DAPK1: variants seen among roughly 807,000 people sequenced by gnomAD.
DAPK1 encodes the protein death associated protein kinase 1.
In DAPK1, 56 loss-of-function variants were observed where a neutral mutation model predicts 144.9. The ratio of observed to expected loss-of-function variants is 0.39; its 90% CI spans 0.31 to 0.48. The LOEUF (loss-of-function observed/expected upper bound fraction) is 0.48. Among genes scored for constraint, DAPK1 ranks in the 20% least tolerant of loss-of-function variants. The pLI, the probability that DAPK1 is intolerant of heterozygous loss-of-function variation, is 0.95. For missense variants in DAPK1, 1,454 were observed against 1,875.4 expected (o/e 0.78, Z 4.15); for synonymous variants, 690 against 749.0 (o/e 0.92, Z 1.29).
intron 19 of DAPK1, among the ~76,000 whole-genome samples, chr9:87,681,003 G>A (rs1453850283): frequency 1.3e-5 from 2 of 152,322 alleles, no homozygotes; most frequent in East Asian, 3.9e-4. Context: ...ATACCGCCAG[G>A]CACGGTGGCT....
intron 2 of DAPK1, among the ~76,000 whole-genome samples, chr9:87,565,184 C>T (rs1183441678): frequency 6.6e-6 from 1 of 152,156 alleles, no homozygotes; most frequent in Non-Finnish European, 1.5e-5. Context: ...GGATATGTTG[C>T]AGAGGTCCTG....
At chr9:87,497,358 G>A (rs1335455565), upstream of DAPK1, 4 of 152,084 alleles carry the variant, frequency 2.6e-5, no homozygotes, top group Admixed American at 2.6e-4. Context: ...GGTAAACGTA[G>A]GACTGATCCT....
chr9:87,570,124 A>G (rs559127049), intron 2 of DAPK1, among the ~76,000 whole-genome samples: 1 of 152,306 alleles, frequency 6.6e-6, no homozygotes, highest in South Asian at 2.1e-4. Flanking sequence ...TCACTTTGAT[A>G]AGAGAAAAAT....
intron 2 of DAPK1, among the ~76,000 whole-genome samples, chr9:87,514,918 TTC>T (rs1487075181): frequency 1.3e-5 from 2 of 152,222 alleles, no homozygotes; most frequent in African/African-American, 4.8e-5. Context: ...AGTTGCTGGT[TTC>T]TCTGTTTTCT....
At chr9:87,643,546 A>T in intron 11 of DAPK1, 78 bp downstream of exon 11, 1 of 951,322 alleles carries the variant, frequency 1.1e-6, no homozygotes. Context: ...TATTTGTTCA[A>T]CCTCCCAGGA....
At chr9:87,518,121 T>TTG (rs1825146181) in intron 2 of DAPK1, among the ~76,000 whole-genome samples, 1 of 138,310 alleles carries the variant, frequency 7.2e-6, no homozygotes, top group African/African-American at 2.8e-5. Context: ...TTTTTTTTTT[T>TTG]TTTTTTCTGA....
chr9:87,668,329 T>C, intron 18 of DAPK1: 1 of 453,378 alleles, frequency 2.2e-6, no homozygotes, highest in Non-Finnish European at 4.0e-6. Context: ...GAGTTGTGAT[T>C]AAACCTGTGG....
intron 4 of DAPK1, 108 bp from the exon 5 acceptor site, chr9:87,639,246 C>A: frequency 3.8e-6 from 4 of 1,054,696 alleles, no homozygotes; most frequent in African/African-American, 1.6e-5. Flanking sequence ...ACCCTTTCTT[C>A]CCTACTTTTT....
intron 2 of DAPK1, among the ~76,000 whole-genome samples, chr9:87,602,920 G>GTT (rs1262914633): frequency 2.1e-5 from 3 of 141,606 alleles, no homozygotes; most frequent in South Asian, 2.2e-4. Flanking sequence ...CTGTCTCTCT[G>GTT]TTTCTCTCTC....
chr9:87,604,332 C>T (rs1213151265), intron 2 of DAPK1, among the ~76,000 whole-genome samples: 3 of 152,102 alleles, frequency 2.0e-5, no homozygotes, highest in East Asian at 1.9e-4. Context: ...GGGGTGGAAT[C>T]GGCTTCCCCA....
intron 2 of DAPK1, among the ~76,000 whole-genome samples, chr9:87,519,385 G>A (rs1004554755): frequency 1.3e-5 from 2 of 152,178 alleles, no homozygotes; most frequent in East Asian, 1.9e-4. Context: ...GTCCCCCTTC[G>A]CTGCAACCCA....
chr9:87,651,492 G>A (rs1451981988), intron 16 of DAPK1, 35 bp from the exon 17 acceptor site: 1 of 1,609,350 alleles, frequency 6.2e-7, no homozygotes, highest in South Asian at 1.1e-5. Flanking sequence ...ATGCCCAAGT[G>A]AAAAGCTCTC....
At chr9:87,520,265 C>T (rs1825245614) in intron 2 of DAPK1, among the ~76,000 whole-genome samples, 2 of 152,106 alleles carry the variant, frequency 1.3e-5, no homozygotes, top group Non-Finnish European at 2.9e-5. Flanking sequence ...AAATAGGCTT[C>T]TGGTGCTGAG....
intron 2 of DAPK1, among the ~76,000 whole-genome samples, chr9:87,585,198 C>T (rs1827906528): frequency 6.6e-6 from 1 of 152,018 alleles, no homozygotes; most frequent in Admixed American, 6.6e-5. Context: ...GATGTAATTC[C>T]ATTTGTCTAT....
intron 9 of DAPK1, among the ~76,000 whole-genome samples, 182 bp downstream of exon 9, chr9:87,641,029 T>A (rs755232738): frequency 6.6e-6 from 1 of 151,918 alleles, no homozygotes; most frequent in Admixed American, 6.6e-5. Flanking sequence ...ATCCCAGAGG[T>A]GGGGAGAGAG....
chr9:87,575,569 C>T (rs748620267), intron 2 of DAPK1, among the ~76,000 whole-genome samples: 8 of 152,088 alleles, frequency 5.3e-5, no homozygotes, highest in Non-Finnish European at 7.4e-5. Flanking sequence ...CACTGTACCT[C>T]CATGGAGGTT....
At chr9:87,571,476 A>AACACACACAC (rs56299528) in intron 2 of DAPK1, among the ~76,000 whole-genome samples, 607 of 48,530 alleles carry the variant, frequency 0.013, 89 homozygotes, top group African/African-American at 0.02. Flanking sequence ...CACACACACC[A>AACACACACAC]ACACACACAC....
Position 87,686,554 on chromosome 9 carries a change from C to T in DAPK1, c.2228C>T (p.Ser743Leu). The change falls in exon 21 of 26, where the codon TCA becomes TTA. Residue 743 changes from serine (S) to leucine (L), a missense_variant. Transcript: ENST00000408954. This position sits in a 1 kb window ranked among gnomAD's most constrained non-coding sequence, Gnocchi z 4.2. ...PSPLASKPTV[S>L]VSINNLYPGC... Reference sequence around the variant, plus strand: ...TGTGATCCTTTCCATCCTGCAGTCTCAGTGAGCATCAACAACCTGTACCCA... The same window carrying T: ...TGTGATCCTTTCCATCCTGCAGTCTTAGTGAGCATCAACAACCTGTACCCA... 1 of 1,543,582 alleles carries T rather than the reference C, an allele frequency of 6.5e-7. No homozygotes were observed. The highest frequency in any genetic ancestry group is 1.9e-5 in the Admixed American group (1 of 52,246).
chr9:87,607,691 A>G (rs1409633892), intron 3 of DAPK1, among the ~76,000 whole-genome samples: 3 of 152,132 alleles, frequency 2.0e-5, no homozygotes, highest in African/African-American at 7.2e-5. Context: ...AAATCATGTA[A>G]CCAGCAGTCT....
Sources: gnomAD v4.1 joint callset for allele counts (sites outside exome capture counted in the v4.1 genomes callset) on GRCh38, gnomAD v4.1.1 for gene constraint, Gnocchi (gnomAD v3.1) non-coding constraint, MANE v1.5 for transcripts, NCBI Gene and HGNC (gene_info 2026-07-23, HGNC 2026-07-21) for gene names.